The following PARD3 variants were observed in gnomAD, a reference collection of about 807,000 sequenced individuals.
PARD3 encodes par-3 family cell polarity regulator, also known as partitioning defective 3 homolog.
In PARD3, 75 loss-of-function variants were observed where a neutral mutation model predicts 155.4. That is an observed-to-expected ratio of 0.48 (90% CI 0.40 to 0.58). The LOEUF (loss-of-function observed/expected upper bound fraction) is 0.58, where lower values mean the gene tolerates loss of function less well. PARD3 is among the 20% of genes least tolerant of loss of function. The pLI, the probability that PARD3 is intolerant of heterozygous loss-of-function variation, is 0.00. For missense variants in PARD3, 1,642 were observed against 1,721.7 expected, an observed-to-expected ratio of 0.95 and a Z score of 0.82; for synonymous variants, 576 against 610.5, an observed-to-expected ratio of 0.94 and a Z score of 0.83.
At chr10:34,260,895 C>T (rs753950687) in intron 22 of PARD3, among the ~76,000 whole-genome samples, 5 of 152,146 alleles carry the variant, frequency 3.3e-5, no homozygotes, top group South Asian at 2.1e-4. Flanking sequence ...GTTTGCCAGG[C>T]TTCCCTTTGA....
intron 3 of PARD3, among the ~76,000 whole-genome samples, chr10:34,493,613 T>C (rs1307725409): frequency 6.6e-6 from 1 of 152,132 alleles, no homozygotes; most frequent in East Asian, 1.9e-4. Flanking sequence ...GCACCTGTAA[T>C]TCCAGCTACT....
chr10:34,292,043 T>C (rs1956699429), intron 20 of PARD3, among the ~76,000 whole-genome samples: 1 of 152,170 alleles, frequency 6.6e-6, no homozygotes, highest in Admixed American at 6.5e-5. Flanking sequence ...CACATACCCA[T>C]TCACAGGATC....
chr10:34,782,429 A>C (rs556007965), intron 1 of PARD3, among the ~76,000 whole-genome samples: 1 of 152,250 alleles, frequency 6.6e-6, no homozygotes, highest in Admixed American at 6.5e-5. Flanking sequence ...ACATCAAACA[A>C]CCTCCAGTGA....
intron 21 of PARD3, among the ~76,000 whole-genome samples, chr10:34,271,291 G>A (rs1281669587): frequency 1.3e-5 from 2 of 151,894 alleles, no homozygotes; most frequent in African/African-American, 4.8e-5. Context: ...GAATATGAAA[G>A]CAAAAAACCC....
At chr10:34,190,357 T>C (rs1285255926) in intron 22 of PARD3, among the ~76,000 whole-genome samples, 1 of 152,180 alleles carries the variant, frequency 6.6e-6, no homozygotes, top group Non-Finnish European at 1.5e-5. Flanking sequence ...ATGCCACTGG[T>C]CTTACAATTT....
At chr10:34,203,019 C>A (rs1190324010) in intron 22 of PARD3, among the ~76,000 whole-genome samples, 1 of 152,182 alleles carries the variant, frequency 6.6e-6, no homozygotes, top group South Asian at 2.1e-4. Flanking sequence ...CAAATGGGCA[C>A]AGTTACCTTT....
At chr10:34,373,869 A>C (rs1243705610) in intron 11 of PARD3, among the ~76,000 whole-genome samples, 2 of 151,912 alleles carry the variant, frequency 1.3e-5, no homozygotes, top group African/African-American at 2.4e-5. Flanking sequence ...ATAGAGAATA[A>C]AATATAGTTA....
chr10:34,762,259 GGA>G (rs139337549), intron 1 of PARD3, among the ~76,000 whole-genome samples: 3 of 149,408 alleles, frequency 2.0e-5, no homozygotes, highest in South Asian at 4.3e-4. Context: ...GGAGGGAGAG[GGA>G]GAGAGAGAGA....
chr10:34,810,781 C>A (rs1844047364), intron 1 of PARD3, among the ~76,000 whole-genome samples: 1 of 152,162 alleles, frequency 6.6e-6, no homozygotes, highest in Admixed American at 6.5e-5. Flanking sequence ...ATGGGCCGGG[C>A]CCAGGACTTT....
intron 22 of PARD3, among the ~76,000 whole-genome samples, chr10:34,135,258 C>T (rs1485099359): frequency 6.6e-6 from 1 of 152,158 alleles, no homozygotes; most frequent in Non-Finnish European, 1.5e-5. Context: ...AGTCCAATAC[C>T]AACACTCAGC....
intron 18 of PARD3, among the ~76,000 whole-genome samples, chr10:34,331,957 T>C (rs1263243646): frequency 6.6e-6 from 1 of 152,008 alleles, no homozygotes; most frequent in African/African-American, 2.4e-5. Context: ...GGATATTCTA[T>C]AGGAAGAGTA....
Position 34,201,243 on chromosome 10 carries a change from G to C in PARD3, c.3419+68414C>G, listed in dbSNP as rs1488091444. 3.3e-5 allele frequency among the ~76,000 whole-genome samples: 5 copies of C among 152,170 alleles called. No individual in the cohort carries two copies. In the East Asian group the frequency reaches 9.6e-4, roughly 29 times the overall value. On this transcript the variant is annotated intron_variant, in intron 22 of 24. Transcript: ENST00000374788. ...ATAAAGGGAACCAAGGCAGGTTACT[G>C]AGCTAGCAGTGTGGCATACCGCACT...
At chr10:34,628,869 CAG>C (rs2092120924) in intron 2 of PARD3, among the ~76,000 whole-genome samples, 1 of 152,202 alleles carries the variant, frequency 6.6e-6, no homozygotes, top group South Asian at 2.1e-4. Context: ...CCACGCATTA[CAG>C]AGAGGAGTGG....
intron 22 of PARD3, among the ~76,000 whole-genome samples, chr10:34,183,810 C>G (rs984408864): frequency 1.3e-5 from 2 of 152,184 alleles, no homozygotes; most frequent in Admixed American, 1.3e-4. Flanking sequence ...TTCTTTCTTG[C>G]TTGCCTATTA....
chr10:34,254,378 CAAAAACAAAAACAAA>C lies in PARD3; in HGVS notation c.3419+15264_3419+15278del, dbSNP rs962419679. On this transcript the variant is annotated intron_variant, in intron 22 of 24. Transcript: ENST00000374788. ...TGGGCGACAGAGCAAGACTCTGTCT[CAAAAACAAAAACAAA>C]AACAAAAACAAAAACAAACAAAAAA... 6.9e-5 allele frequency among the ~76,000 whole-genome samples: 4 copies of C among 58,184 alleles called. No individual in the cohort carries two copies. In the African/African-American group the frequency reaches 1.6e-3, roughly 23 times the overall value. 38.2% of individuals were successfully genotyped at this position (58,184 alleles called of 152,430 possible).
chr10:34,712,939 T>C (rs1287439821), intron 1 of PARD3, among the ~76,000 whole-genome samples: 6 of 152,216 alleles, frequency 3.9e-5, no homozygotes. Flanking sequence ...CCGGGCGCAG[T>C]GGCTCATGCC....
rs541984295 is a variant in PARD3 at position 34,752,999 on chromosome 10, T to A, written c.121-56580A>T. Among the ~76,000 whole-genome samples, 12 of 152,360 alleles carry A rather than the reference T, an allele frequency of 7.9e-5. No individual in the cohort carries two copies. In the East Asian group the frequency reaches 2.3e-3, roughly 29 times the overall value. On this transcript the variant is annotated intron_variant, in intron 1 of 24. Coordinates refer to ENST00000374788, the MANE Select transcript of PARD3 (RefSeq NM_001184785.2). Reference sequence around the variant, plus strand: ...TTTTCCAAATGCTCCATTCATGAGATGTTTTCTAATGGAAGAAAACAGCCA... The same window carrying A: ...TTTTCCAAATGCTCCATTCATGAGAAGTTTTCTAATGGAAGAAAACAGCCA...
chr10:34,404,223 G>A lies in PARD3; in HGVS notation c.715-2306C>T, dbSNP rs545434945. ...CAATATTTGGATGTGTAAATTATCA[G>A]CTCCTGTATGGTTTTATTCTGTTGT... On this transcript the variant is annotated intron_variant, in intron 5 of 24. Transcript: ENST00000374788. Among the ~76,000 whole-genome samples, 20 of 152,288 alleles carry A rather than the reference G, an allele frequency of 1.3e-4. No individual in the cohort carries two copies. In the East Asian group the frequency reaches 3.1e-3, roughly 24 times the overall value.
chr10:34,745,463 AGG>A (rs72437964), intron 1 of PARD3, among the ~76,000 whole-genome samples: 5 of 138,882 alleles, frequency 3.6e-5, no homozygotes, highest in African/African-American at 1.0e-4. Flanking sequence ...AGAAAGAGAG[AGG>A]GAAAGAGAGA....
Sources: gnomAD v4.1 joint callset for allele counts (sites outside exome capture counted in the v4.1 genomes callset) on GRCh38, gnomAD v4.1.1 for gene constraint, MANE v1.5 for transcripts, NCBI Gene and HGNC (gene_info 2026-07-23, HGNC 2026-07-21) for gene names.